Variants in CAMK2D observed in about 807,000 individuals in gnomAD.
CAMK2D encodes the protein calcium/calmodulin-dependent protein kinase type II subunit delta.
CAMK2D carries 37 observed loss-of-function variants against 84.0 expected under a neutral mutation model. That is an observed-to-expected ratio of 0.44 (90% CI 0.34 to 0.58). The LOEUF is 0.58. CAMK2D is among the 20% of genes least tolerant of loss of function. The pLI, the probability that CAMK2D is intolerant of heterozygous loss-of-function variation, is 0.02. For synonymous variants in CAMK2D, 202 were observed against 212.5 expected (o/e 0.95, Z 0.43); for missense variants, 448 against 652.5 (o/e 0.69, Z 3.41).
At chr4:113,532,569 T>C (rs1002456262) in intron 7 of CAMK2D, among the ~76,000 whole-genome samples, 1 of 152,192 alleles carries the variant, frequency 6.6e-6, no homozygotes, top group Admixed American at 6.5e-5. Flanking sequence ...ACACAATTGT[T>C]TTAAAGAGTT....
intron 17 of CAMK2D, among the ~76,000 whole-genome samples, chr4:113,462,477 G>T (rs536520058): frequency 6.0e-4 from 92 of 152,210 alleles, no homozygotes; most frequent in South Asian, 3.3e-3. Flanking sequence ...AGGACCAGCT[G>T]ACAGGGATCC....
At chr4:113,666,251 A>G (rs998151219) in intron 2 of CAMK2D, among the ~76,000 whole-genome samples, 6 of 152,226 alleles carry the variant, frequency 3.9e-5, no homozygotes, top group East Asian at 1.9e-4. Flanking sequence ...GCAAATTTCA[A>G]AAGTACTTAT....
Position 113,465,591 on chromosome 4 carries a change from C to A in CAMK2D, c.1149G>T (p.Glu383Asp). 1.2e-6 allele frequency: 2 copies of A among 1,611,568 alleles called. No homozygotes were observed. The highest frequency in any genetic ancestry group is 1.7e-6 in the Non-Finnish European group (2 of 1,177,812). Residue 383 changes from glutamate (E) to aspartate (D), a missense_variant, in exon 17 of 21, where the codon GAG (glutamate) becomes GAT (aspartate). Transcript: ENST00000511664. The stretch of plus-strand genomic sequence containing the variant: ...TCAGTTGTTCAGTGACTTTGATAAT[C>A]TCTTGCTTTCGTGCTAAAGGCAAAA... Reference protein sequence around the residue: ...EDEDVKARKQEIIKVTEQLIE... With the variant: ...EDEDVKARKQDIIKVTEQLIE...
intron 2 of CAMK2D, among the ~76,000 whole-genome samples, chr4:113,727,459 A>C (rs1226526278): frequency 6.6e-6 from 1 of 152,186 alleles, no homozygotes; most frequent in Non-Finnish European, 1.5e-5. Context: ...ATGTTGGAAC[A>C]ACTGGACAAA....
intron 3 of CAMK2D, among the ~76,000 whole-genome samples, chr4:113,625,997 G>C (rs2099066595): frequency 6.6e-6 from 1 of 150,936 alleles, no homozygotes; most frequent in Non-Finnish European, 1.5e-5. Context: ...CTGGGTGACA[G>C]AGTGAGATAT....
At chr4:113,478,383 AGTTTT>A (rs2097657248) in intron 16 of CAMK2D, among the ~76,000 whole-genome samples, 1 of 152,236 alleles carries the variant, frequency 6.6e-6, no homozygotes, top group Admixed American at 6.5e-5. Flanking sequence ...TGTTTTTGTT[AGTTTT>A]ATTCTCAGTG....
chr4:113,581,529 A>AAAAAAAAAGAAAAG lies in CAMK2D; in HGVS notation c.275+27622_275+27623insCTTTTCTTTTTTTT, dbSNP rs373642282. 2.5e-5 allele frequency among the ~76,000 whole-genome samples: 3 copies of AAAAAAAAAGAAAAG among 121,892 alleles called. No homozygotes were observed. The East Asian group carries it at 6.5e-4, about 26-fold the overall frequency. 80.0% of individuals were successfully genotyped at this position (121,892 alleles called of 152,430 possible). ...ACTTTCTCATAAAAAAAAAAAAAAA[A>AAAAAAAAAGAAAAG]AAAAGAAAAGAAAAGAAAAGAAAAA... On this transcript the variant is annotated intron_variant, in intron 4 of 20. Transcript: ENST00000511664.
chr4:113,644,894 A>G (rs1284044485), intron 3 of CAMK2D, among the ~76,000 whole-genome samples: 4 of 152,356 alleles, frequency 2.6e-5, no homozygotes, highest in African/African-American at 9.6e-5. Flanking sequence ...TAATCCACAA[A>G]GATGAAGTCA....
At chr4:113,537,592 AT>A (rs1417069533) in intron 6 of CAMK2D, 149 bp from the exon 7 acceptor site, 24 of 613,622 alleles carry the variant, frequency 3.9e-5, no homozygotes, top group African/African-American at 3.5e-4. Context: ...CCCAGGGAAA[AT>A]ACAGTTAGAA....
intron 8 of CAMK2D, among the ~76,000 whole-genome samples, chr4:113,521,162 C>CTT (rs2098353313): frequency 1.3e-5 from 2 of 152,066 alleles, no homozygotes; most frequent in African/African-American, 4.8e-5. Context: ...TTATTTTCCT[C>CTT]TTTACTAGCC....
intron 16 of CAMK2D, among the ~76,000 whole-genome samples, chr4:113,479,605 T>G (rs1000619462): frequency 1.1e-4 from 16 of 152,212 alleles, no homozygotes; most frequent in Admixed American, 1.0e-3. Context: ...CACAAACACT[T>G]TAAAAAAACC....
intron 16 of CAMK2D, among the ~76,000 whole-genome samples, chr4:113,473,572 A>G (rs904557438): frequency 1.3e-5 from 2 of 152,252 alleles, no homozygotes; most frequent in Non-Finnish European, 2.9e-5. Flanking sequence ...TCTTTTATCC[A>G]GAAGTCACCT....
chr4:113,470,355 C>T (rs182116034), intron 16 of CAMK2D, among the ~76,000 whole-genome samples: 1 of 152,240 alleles, frequency 6.6e-6, no homozygotes, highest in East Asian at 1.9e-4. Flanking sequence ...TTCAAAAATG[C>T]CTTCCCTGGG....
chr4:113,528,712 T>A (rs930786303), intron 8 of CAMK2D, among the ~76,000 whole-genome samples: 2 of 152,170 alleles, frequency 1.3e-5, no homozygotes, highest in African/African-American at 4.8e-5. Flanking sequence ...AAAAATACTT[T>A]AAAAAATATG....
intron 2 of CAMK2D, among the ~76,000 whole-genome samples, chr4:113,750,590 G>A (rs984299780): frequency 2.0e-5 from 3 of 152,130 alleles, no homozygotes; most frequent in Non-Finnish European, 4.4e-5. Context: ...TTTTACCTCT[G>A]GATCTCTAAA....
chr4:113,546,973 A>G (rs542876952), intron 6 of CAMK2D, among the ~76,000 whole-genome samples: 1 of 152,320 alleles, frequency 6.6e-6, no homozygotes, highest in East Asian at 1.9e-4. Context: ...TCAAATGAGA[A>G]TATGTATATA....
intron 3 of CAMK2D, among the ~76,000 whole-genome samples, chr4:113,645,201 A>G (rs2099146891): frequency 6.6e-6 from 1 of 152,020 alleles, no homozygotes; most frequent in Non-Finnish European, 1.5e-5. Context: ...CATTTTTAGT[A>G]GAGACAGGGT....
Position 113,452,015 on chromosome 4 carries a change from CAAAAG to C in CAMK2D, c.*2525_*2529del, listed in dbSNP as rs2097260648. ...AGCAAGTGTGATGTTTTTAGCAAAT[CAAAAG>C]AAGCTGAGCATCCATGTATGCTCAA... On this transcript the variant is annotated 3_prime_UTR_variant, in exon 21 of 21. Transcript: ENST00000511664. The C allele has an allele frequency of 6.6e-6, 1 of 151,394 alleles. No individual in the cohort carries two copies. The highest frequency in any genetic ancestry group is 6.6e-5 in the Admixed American group (1 of 15,150). The allele number at this position is 151,394 out of a possible 1,614,324, so 9.4% of individuals were successfully genotyped here. A position where few individuals can be genotyped will look rare whatever the true frequency, so the allele number is the denominator to read the frequency against.
chr4:113,509,548 C>G (rs895563665), intron 13 of CAMK2D, 90 bp downstream of exon 13: 1 of 818,136 alleles, frequency 1.2e-6, no homozygotes, highest in Non-Finnish European at 2.0e-6. Context: ...AAAAATAGAA[C>G]TTGCAAAGAC....
Sources: allele counts gnomAD v4.1 joint callset (sites outside exome capture counted in the v4.1 genomes callset), GRCh38; gene constraint gnomAD v4.1.1; transcripts MANE v1.5; gene names NCBI Gene and HGNC (gene_info 2026-07-23, HGNC 2026-07-21).